Variants in NLRP7 observed in about 807,000 individuals in gnomAD.
The protein encoded by NLRP7 is NACHT, LRR and PYD domains-containing protein 7.
In NLRP7, 72 loss-of-function variants were observed where a neutral mutation model predicts 85.5. That is an observed-to-expected ratio of 0.84 (90% CI 0.70 to 1.02). The LOEUF (loss-of-function observed/expected upper bound fraction) is 1.02. NLRP7 is among the 50% of genes least tolerant of loss of function. NLRP7 has a pLI of 0.00. For missense variants in NLRP7, 1,243 were observed against 1,219.5 expected, an observed-to-expected ratio of 1.02 and a Z score of -0.29; for synonymous variants, 550 against 505.2, an observed-to-expected ratio of 1.09 and a Z score of -1.19.
chr19:54,938,274 T>TG (rs1569540315), intron 4 of NLRP7, 33 bp from the exon 5 acceptor site: 2 of 1,577,142 alleles, frequency 1.3e-6, no homozygotes, highest in Admixed American at 1.7e-5. Flanking sequence ...CTCTTAGGAC[T>TG]AGTACCTGCA....
chr19:54,957,145 C>T (rs2069883878), intron 1 of NLRP7, among the ~76,000 whole-genome samples: 1 of 151,834 alleles, frequency 6.6e-6, no homozygotes, highest in East Asian at 1.9e-4. Context: ...TCTCAGCCTC[C>T]CAAGTAGCTG....
chr19:54,927,312 T>G (rs1305455013), intron 9 of NLRP7, among the ~76,000 whole-genome samples: 1 of 122,548 alleles, frequency 8.2e-6, no homozygotes, highest in African/African-American at 3.2e-5. Context: ...ACCCAGGAGG[T>G]GGGGGTTGCA....
chr19:54,963,899 G>C (rs1360012009), intron 1 of NLRP7, among the ~76,000 whole-genome samples: 1 of 129,714 alleles, frequency 7.7e-6, no homozygotes, highest in Non-Finnish European at 1.6e-5. Flanking sequence ...TTTTTTTTTT[G>C]AGACGGAGTC....
At chr19:54,935,559 G>C (rs1002311742) in intron 6 of NLRP7, among the ~76,000 whole-genome samples, 1 of 148,890 alleles carries the variant, frequency 6.7e-6, no homozygotes, top group African/African-American at 2.5e-5. Context: ...TGCCAGGCGT[G>C]GTGGTGCACG....
chr19:54,939,853 C>G lies in NLRP7; in HGVS notation c.966G>C (p.Glu322Asp). 1.9e-6 allele frequency: 3 copies of G among 1,613,930 alleles called. No homozygotes were observed. In the East Asian group the frequency reaches 6.7e-5, roughly 36 times the overall value. ...CCCTCCTGTCCTCCTCCAGGAAGCC[C>G]TCCACCCTTACGTAGATCGGCTGCT... Residue 322 changes from glutamate to aspartate, a missense_variant, in exon 4 of 10, where the codon GAG becomes GAC. By Grantham distance (45) the Glu-to-Asp change is conservative (BLOSUM62 2). Around this residue, in one of 3 missense-constraint regions of NLRP7, gnomAD observed 591 missense variants for 563.3 expected, o/e 1.05. Coordinates refer to ENST00000340844, the Ensembl canonical transcript of NLRP7.
At chr19:54,942,587 G>GGCGGGTA (rs1375388338) in intron 1 of NLRP7, among the ~76,000 whole-genome samples, 2 of 151,566 alleles carry the variant, frequency 1.3e-5, no homozygotes, top group East Asian at 2.0e-4. Flanking sequence ...ACAGGCGGGT[G>GGCGGGTA]CCTGTAATCC....
intron 9 of NLRP7, 84 bp from the exon 10 acceptor site, chr19:54,927,859 A>AGGC (rs971976275): frequency 2.4e-5 from 29 of 1,223,558 alleles, no homozygotes; most frequent in Non-Finnish European, 2.8e-5. Context: ...CGGGAGGCCA[A>AGGC]GGCGGGTGGA....
chr19:54,961,205 T>C (rs2070030173), intron 1 of NLRP7, among the ~76,000 whole-genome samples: 1 of 151,788 alleles, frequency 6.6e-6, no homozygotes, highest in Non-Finnish European at 1.5e-5. Context: ...AGACCCAGTC[T>C]CTAGTTAAAA....
intron 6 of NLRP7, among the ~76,000 whole-genome samples, chr19:54,935,838 G>A (rs1470655928): frequency 6.6e-6 from 1 of 152,106 alleles, no homozygotes; most frequent in African/African-American, 2.4e-5. Context: ...CATAGGATCA[G>A]GCACCAACGA....
Position 54,957,917 on chromosome 19 carries a change from A to T in NLRP7, c.-77+8123T>A, listed in dbSNP as rs115675058. 8.7e-3 allele frequency among the ~76,000 whole-genome samples: 1,322 copies of T among 152,188 alleles called. 22 individuals carry two copies. The highest frequency in any genetic ancestry group is 0.03 in the African/African-American group (1,255 of 41,538). ...ACAAAGTGAGACCCAGTCTCTATTT[A>T]AAAAAGATGGGGAGGGGGCCGGGCA... On this transcript the variant is annotated intron_variant, in intron 1 of 2. Coordinates refer to the NLRP7 transcript ENST00000587103.
At chr19:54,955,928 C>G (rs911564216) in intron 1 of NLRP7, among the ~76,000 whole-genome samples, 1 of 151,944 alleles carries the variant, frequency 6.6e-6, no homozygotes, top group Admixed American at 6.6e-5. Context: ...GATGACAGGA[C>G]TGCACTCCAG....
upstream of NLRP7, among the ~76,000 whole-genome samples, chr19:54,952,268 C>T (rs969769595): frequency 2.0e-5 from 3 of 151,996 alleles, no homozygotes; most frequent in Non-Finnish European, 2.9e-5. Flanking sequence ...GTCAGCATGG[C>T]CACACTCTGG....
intron 5 of NLRP7, 96 bp downstream of exon 5, chr19:54,937,948 G>T: frequency 1.2e-6 from 1 of 859,262 alleles, no homozygotes; most frequent in Non-Finnish European, 2.0e-6. Context: ...CCAAATACAT[G>T]GAGATGAAAC....
rs1360077752 is a variant in NLRP7 at position 54,940,872 on chromosome 19, G to A, written c.352+59C>T. On this transcript the variant is annotated intron_variant, in intron 3 of 9. Transcript: ENST00000340844. ...GAAATGAATAAAACCAGGAAGAAGT[G>A]ATGCACCTTGCATGCTCTCAAACAC... The A allele has an allele frequency of 5.1e-6, 5 of 985,350 alleles. No homozygotes were observed. The African/African-American group carries it at 6.4e-5, about 13-fold the overall frequency. 61.0% of individuals were successfully genotyped at this position (985,350 alleles called of 1,614,324 possible).
At chr19:54,930,587 G>T (rs1487083557) in exon 9 of NLRP7, 1 of 1,612,176 alleles carries the variant, frequency 6.2e-7, no homozygotes, top group Non-Finnish European at 8.5e-7. Context: ...CTCAAGTCCA[G>T]GTTTGTGAGG....
At position 54,959,886 on chromosome 19, in the gene NLRP7, T is replaced by C. The variant is rs1025222977; in HGVS notation, c.-77+6154A>G. On this transcript the variant is annotated intron_variant, in intron 1 of 2. Transcript: ENST00000587103. ...TCTGTTGTTCCCAGCCATGCAACCC[T>C]GGGAGCCGACTCCCGGCTGCAGAGC... 1.9e-4 allele frequency among the ~76,000 whole-genome samples: 29 copies of C among 151,958 alleles called. 1 individual carries two copies. The highest frequency in any genetic ancestry group is 7.0e-4 in the African/African-American group (29 of 41,518).
intron 1 of NLRP7, among the ~76,000 whole-genome samples, chr19:54,962,842 G>T (rs4422092): frequency 1.4e-5 from 2 of 147,812 alleles, no homozygotes; most frequent in African/African-American, 5.0e-5. Context: ...CTCGTGATCC[G>T]CCCGCCTCGG....
At chr19:54,955,379 C>A (rs2069819410) in intron 1 of NLRP7, among the ~76,000 whole-genome samples, 2 of 152,186 alleles carry the variant, frequency 1.3e-5, no homozygotes, top group Middle Eastern at 3.4e-3. Flanking sequence ...TTAGGAAGAG[C>A]AGCCTTGGGC....
chr19:54,930,826 C>T (rs2068646160), intron 8 of NLRP7, among the ~76,000 whole-genome samples, 160 bp from the exon 9 acceptor site: 1 of 152,066 alleles, frequency 6.6e-6, no homozygotes, highest in Non-Finnish European at 1.5e-5. Flanking sequence ...AGCGATTCTT[C>T]TGCCTCAGCC....
Sources: allele counts gnomAD v4.1 joint callset (sites outside exome capture counted in the v4.1 genomes callset), GRCh38; gene constraint gnomAD v4.1.1; regional missense constraint gnomAD v4.1.1; transcripts MANE v1.5; gene names NCBI Gene and HGNC (gene_info 2026-07-23, HGNC 2026-07-21).